PPFIA2: variants seen among roughly 807,000 people sequenced by gnomAD.
The protein encoded by PPFIA2 is PPFI scaffold protein A2, also known as liprin-alpha-2.
Under a neutral mutation model 175.5 loss-of-function variants are expected in PPFIA2, and 46 were observed. That is an observed-to-expected ratio of 0.26 (90% CI 0.21 to 0.34). PPFIA2 has a LOEUF of 0.34. Among genes scored for constraint, PPFIA2 ranks in the 10% least tolerant of loss-of-function variants. The pLI is 1.00. For synonymous variants in PPFIA2, 568 were observed against 511.4 expected (o/e 1.11, Z -1.49); for missense variants, 1,179 against 1,506.1 (o/e 0.78, Z 3.60).
Position 81,358,092 on chromosome 12 carries a change from T to C in PPFIA2, c.1763A>G (p.Asp588Gly). 6.2e-7 allele frequency: 1 copy of C among 1,600,272 alleles called. No homozygotes were observed. Among genetic ancestry groups the C allele is most frequent in the Non-Finnish European group, 8.5e-7 (1 of 1,174,240 alleles). Residue 588 changes from aspartate to glycine, a missense_variant, in exon 16 of 33, where the codon GAT (aspartate) becomes GGT (glycine). This residue lies in a region of PPFIA2 where 186 missense variants were observed against 163.6 expected (regional missense o/e 1.14). Coordinates refer to ENST00000549396, the MANE Select transcript of PPFIA2 (RefSeq NM_003625.5). ...PRRGRMGVRR[D>G]EPKVKSLGDH... The stretch of plus-strand genomic sequence containing the variant: ...AGTTAAAAGATTAACCTTTGGCTCA[T>C]CTCTTCGCACACCCATGCGGCCTCT...
intron 4 of PPFIA2, among the ~76,000 whole-genome samples, chr12:81,530,738 G>C (rs1174341879): frequency 7.0e-6 from 1 of 141,978 alleles, no homozygotes; most frequent in Non-Finnish European, 1.5e-5. Flanking sequence ...GAAAATTGAG[G>C]AGGATAAAAA....
chr12:81,380,606 C>G (rs2037417446), intron 9 of PPFIA2, among the ~76,000 whole-genome samples: 1 of 152,008 alleles, frequency 6.6e-6, no homozygotes, highest in African/African-American at 2.4e-5. Flanking sequence ...ATGATAGTTG[C>G]TATCACTGAA....
chr12:81,682,042 C>G (rs1000301600), intron 3 of PPFIA2, among the ~76,000 whole-genome samples: 2 of 151,908 alleles, frequency 1.3e-5, no homozygotes, highest in Non-Finnish European at 2.9e-5. Flanking sequence ...CAATTATGGG[C>G]ATTTTAAAAT....
At chr12:81,520,698 C>A (rs546559997) in intron 4 of PPFIA2, among the ~76,000 whole-genome samples, 1 of 152,302 alleles carries the variant, frequency 6.6e-6, no homozygotes, top group African/African-American at 2.4e-5. Context: ...TCAGTTAAGA[C>A]AACAGCTGAG....
At chr12:81,283,135 AT>A in intron 25 of PPFIA2, 96 bp from the exon 26 acceptor site, 4 of 1,135,382 alleles carry the variant, frequency 3.5e-6, no homozygotes, top group Non-Finnish European at 5.2e-6. Flanking sequence ...CAAAATTGTT[AT>A]ACAAAATATT....
At chr12:81,429,605 AC>A (rs1300066431) in intron 7 of PPFIA2, among the ~76,000 whole-genome samples, 1 of 152,028 alleles carries the variant, frequency 6.6e-6, no homozygotes, top group Non-Finnish European at 1.5e-5. Flanking sequence ...TAGCTGAACT[AC>A]TCATGGATTT....
chr12:81,413,257 A>G (rs2143011692), intron 7 of PPFIA2, among the ~76,000 whole-genome samples: 1 of 151,924 alleles, frequency 6.6e-6, no homozygotes, highest in African/African-American at 2.4e-5. Context: ...AAAAATGATG[A>G]CAGGCTACAT....
chr12:81,635,695 C>T (rs766319780), intron 4 of PPFIA2, among the ~76,000 whole-genome samples: 2 of 152,090 alleles, frequency 1.3e-5, no homozygotes, highest in Admixed American at 6.6e-5. Context: ...CATGTCCATG[C>T]GGCCTCTTTG....
At chr12:81,386,532 G>T (rs1176139263) in intron 8 of PPFIA2, among the ~76,000 whole-genome samples, 1 of 151,566 alleles carries the variant, frequency 6.6e-6, no homozygotes, top group Admixed American at 6.6e-5. Context: ...AGAGGTGGGC[G>T]GGTTGCTTAA....
chr12:81,668,229 T>G (rs887661454), intron 4 of PPFIA2, among the ~76,000 whole-genome samples: 7 of 152,082 alleles, frequency 4.6e-5, no homozygotes, highest in African/African-American at 1.4e-4. Context: ...CAGGCAGTCA[T>G]CATATAAAGG....
chr12:81,423,331 C>G (rs556518644), intron 7 of PPFIA2, among the ~76,000 whole-genome samples: 1 of 152,016 alleles, frequency 6.6e-6, no homozygotes, highest in Non-Finnish European at 1.5e-5. Context: ...TTCTGATGAA[C>G]AAACATGCAA....
At chr12:81,612,021 A>G (rs772492670) in intron 4 of PPFIA2, among the ~76,000 whole-genome samples, 1 of 152,018 alleles carries the variant, frequency 6.6e-6, no homozygotes, top group Non-Finnish European at 1.5e-5. Context: ...CTTCCTTTCT[A>G]TTCAGCCTCA....
chr12:81,494,766 A>G (rs1243127523), intron 4 of PPFIA2, among the ~76,000 whole-genome samples: 1 of 151,966 alleles, frequency 6.6e-6, no homozygotes, highest in Non-Finnish European at 1.5e-5. Flanking sequence ...ATGCAGCCAT[A>G]AAAAAGGATG....
intron 8 of PPFIA2, among the ~76,000 whole-genome samples, chr12:81,388,206 C>T (rs879410978): frequency 4.6e-5 from 7 of 152,030 alleles, no homozygotes; most frequent in Non-Finnish European, 8.8e-5. Flanking sequence ...AATAAAAGTA[C>T]AATGCAATCA....
chr12:81,347,901 A>T (rs1258590173), intron 17 of PPFIA2, 131 bp from the exon 18 acceptor site: 1 of 1,332,578 alleles, frequency 7.5e-7, no homozygotes, highest in Non-Finnish European at 9.8e-7. Context: ...ATCAAATCTA[A>T]TTTTTTCATC....
intron 4 of PPFIA2, among the ~76,000 whole-genome samples, chr12:81,633,011 A>G (rs2063571594): frequency 6.6e-6 from 1 of 151,894 alleles, no homozygotes; most frequent in South Asian, 2.1e-4. Context: ...TCGTTGAATC[A>G]CTCTGCGTTA....
At chr12:81,583,202 T>A (rs1044069084) in intron 4 of PPFIA2, among the ~76,000 whole-genome samples, 3 of 151,930 alleles carry the variant, frequency 2.0e-5, no homozygotes, top group African/African-American at 7.2e-5. Flanking sequence ...AAAGACATTA[T>A]TTCCAATATT....
intron 7 of PPFIA2, among the ~76,000 whole-genome samples, chr12:81,420,668 T>C (rs977228404): frequency 1.3e-5 from 2 of 151,992 alleles, no homozygotes; most frequent in South Asian, 2.1e-4. Flanking sequence ...ATCATATCTA[T>C]GGAACACCAT....
chr12:81,505,364 A>G (rs577371917), intron 4 of PPFIA2, among the ~76,000 whole-genome samples: 2 of 152,278 alleles, frequency 1.3e-5, no homozygotes, highest in East Asian at 1.9e-4. Flanking sequence ...GTTGAAAGTA[A>G]TGGTAGAGGG....
Sources: gnomAD v4.1 joint callset for allele counts (sites outside exome capture counted in the v4.1 genomes callset) on GRCh38, gnomAD v4.1.1 for gene constraint, gnomAD v4.1.1 regional missense constraint, MANE v1.5 for transcripts, NCBI Gene and HGNC (gene_info 2026-07-23, HGNC 2026-07-21) for gene names.